ADAM9: variants seen among roughly 807,000 people sequenced by gnomAD.
The protein encoded by ADAM9 is disintegrin and metalloproteinase domain-containing protein 9.
ADAM9 carries 54 observed loss-of-function variants against 108.1 expected under a neutral mutation model. That is an observed-to-expected ratio of 0.50 (90% CI 0.40 to 0.63). The LOEUF (loss-of-function observed/expected upper bound fraction) is 0.63. Among genes scored for constraint, ADAM9 ranks in the 20% least tolerant of loss-of-function variants. The pLI is 0.00. For synonymous variants in ADAM9, 316 were observed against 336.0 expected (o/e 0.94, Z 0.65); for missense variants, 830 against 997.7 (o/e 0.83, Z 2.26).
chr8:39,025,252 G>A (rs186978975), intron 9 of ADAM9, among the ~76,000 whole-genome samples: 2 of 152,206 alleles, frequency 1.3e-5, no homozygotes, highest in African/African-American at 2.4e-5. Context: ...CACCATGGCT[G>A]GCTAATTTTC....
chr8:39,014,444 G>A, intron 4 of ADAM9: 5 of 636,660 alleles, frequency 7.9e-6, no homozygotes, highest in Non-Finnish European at 1.4e-5. Flanking sequence ...TTGATGTTAT[G>A]TGTTCTAATG....
rs1292435315 is a variant in ADAM9, at chr8:39,033,377, CTT to C, written c.1130+6569_1130+6570del. 3.3e-5 allele frequency among the ~76,000 whole-genome samples: 5 copies of C among 152,010 alleles called. No homozygotes were observed. The East Asian group carries it at 9.7e-4, about 29-fold the overall frequency. On this transcript the variant is annotated intron_variant, in intron 11 of 21. Coordinates refer to ENST00000487273, the MANE Select transcript of ADAM9 (RefSeq NM_003816.3). The stretch of plus-strand genomic sequence containing the variant: ...TTATCTCTGTACAAAGACAGTTTTT[CTT>C]TCTTTCCAGTCAGTATACCTTTTAC...
At chr8:39,015,824 G>T (rs901576941) in intron 4 of ADAM9, 15 of 307,568 alleles carry the variant, frequency 4.9e-5, no homozygotes, top group Middle Eastern at 1.0e-3. Context: ...TGTTAAAGAT[G>T]ATATAATGCA....
intron 12 of ADAM9, among the ~76,000 whole-genome samples, chr8:39,044,255 T>A (rs1837541667): frequency 6.6e-6 from 1 of 152,196 alleles, no homozygotes; most frequent in Admixed American, 6.5e-5. Flanking sequence ...CCATTTTAAG[T>A]TGATTTTTGT....
chr8:39,079,415 T>TTCCATGTCTTTATTAGA (rs1838949669), intron 16 of ADAM9, among the ~76,000 whole-genome samples: 1 of 152,252 alleles, frequency 6.6e-6, no homozygotes, highest in East Asian at 1.9e-4. Flanking sequence ...CTGGGCATCT[T>TTCCATGTCTTTATTAGA]TCCATGTCTT....
At position 39,083,047 on chromosome 8, in the gene ADAM9, G is replaced by T. The variant is rs1488988135; in HGVS notation, c.2042G>T (p.Ser681Ile). Residue 681 changes from serine to isoleucine, a missense_variant, in exon 18 of 22, where the codon AGT becomes ATT. Ser to Ile is a moderately radical substitution (Grantham distance 142). Coordinates refer to ENST00000487273, the MANE Select transcript of ADAM9 (RefSeq NM_003816.3). Reference protein sequence around the residue: ...PNCETKGYGGSVDSGPTYNEM... With the variant: ...PNCETKGYGGIVDSGPTYNEM... ...TGTGAGACTAAAGGATACGGAGGAA[G>T]TGTGGACAGTGGACCTACATACAAT... is the stretch of plus-strand genomic sequence containing the variant. 1 of 1,613,930 alleles carries T rather than the reference G, an allele frequency of 6.2e-7. No individual in the cohort carries two copies. The highest frequency in any genetic ancestry group is 1.7e-5 in the Admixed American group (1 of 60,026).
At position 39,023,229 on chromosome 8, in the gene ADAM9, T is replaced by C; in HGVS notation, c.818T>C (p.Ile273Thr). 1.9e-6 allele frequency: 3 copies of C among 1,613,826 alleles called. No individual in the cohort carries two copies. The highest frequency in any genetic ancestry group is 2.5e-6 in the Non-Finnish European group (3 of 1,179,866). ...EIWTNGNLIN[I>T]VGGAGDVLGN... is the part of the protein sequence containing the mutation. ...TGGACCAATGGAAACCTGATCAACA[T>C]AGTTGGGGGTGCTGGTGATGTGCTG... The change falls in exon 9 of 22, where the codon ATA (isoleucine) becomes ACA (threonine). Residue 273 changes from isoleucine to threonine, a missense_variant. Physicochemically the swap from Ile to Thr is moderately conservative, Grantham distance 89. Transcript: ENST00000487273.
chr8:39,067,729 C>G (rs556690115), intron 14 of ADAM9, among the ~76,000 whole-genome samples: 2 of 151,984 alleles, frequency 1.3e-5, no homozygotes, highest in Non-Finnish European at 2.9e-5. Context: ...AATTGAATAC[C>G]CTTTATTTCT....
chr8:39,025,379 G>A (rs1016732353), intron 9 of ADAM9, among the ~76,000 whole-genome samples: 4 of 152,176 alleles, frequency 2.6e-5, no homozygotes, highest in African/African-American at 9.7e-5. Flanking sequence ...TTACAGGCAT[G>A]AGCCACCACG....
At position 39,037,118 on chromosome 8, in the gene ADAM9, G is replaced by A. The variant is rs1278888382; in HGVS notation, c.1131-4828G>A. On this transcript the variant is annotated intron_variant, in intron 11 of 21. Transcript: ENST00000487273. ...GTCACCCAGGCTGGAGTGCAGTGGC[G>A]CAGTCTCGGCTCACTGCAAGCTCTG... 1.1e-4 allele frequency among the ~76,000 whole-genome samples: 14 copies of A among 125,794 alleles called. No individual in the cohort carries two copies. In the East Asian group the frequency reaches 2.8e-3, roughly 25 times the overall value. 82.5% of individuals were successfully genotyped at this position (125,794 alleles called of 152,430 possible).
chr8:39,085,541 G>A (rs1839156671), intron 18 of ADAM9, among the ~76,000 whole-genome samples: 1 of 151,954 alleles, frequency 6.6e-6, no homozygotes, highest in Non-Finnish European at 1.5e-5. Flanking sequence ...TTTAGCTTTT[G>A]TATGTCTGAA....
At chr8:39,011,590 A>G in intron 2 of ADAM9, 68 bp from the exon 3 acceptor site, 5 of 1,397,278 alleles carry the variant, frequency 3.6e-6, no homozygotes, top group Non-Finnish European at 5.1e-6. Flanking sequence ...TGCATCTTAT[A>G]AATGAGATGT....
intron 2 of ADAM9, among the ~76,000 whole-genome samples, chr8:39,009,964 A>AAACAACC (rs1554572507): frequency 1.9e-5 from 2 of 106,574 alleles, no homozygotes; most frequent in African/African-American, 7.0e-5. Flanking sequence ...ACAAAAACAA[A>AAACAACC]CCCCCCCCCC....
chr8:39,067,642 G>A (rs1445232142), intron 14 of ADAM9, among the ~76,000 whole-genome samples: 1 of 152,158 alleles, frequency 6.6e-6, no homozygotes, highest in Non-Finnish European at 1.5e-5. Flanking sequence ...AGGAGATTTT[G>A]GGCTGAGACG....
chr8:39,095,867 A>T (rs1839487216), intron 20 of ADAM9, among the ~76,000 whole-genome samples: 1 of 152,136 alleles, frequency 6.6e-6, no homozygotes, highest in African/African-American at 2.4e-5. Context: ...TTTACCATTA[A>T]TGCACTTTTT....
chr8:39,064,684 TTCTTTCTTTGTTTATTTCC>T (rs1838401443), intron 14 of ADAM9, among the ~76,000 whole-genome samples: 1 of 152,216 alleles, frequency 6.6e-6, no homozygotes, highest in African/African-American at 2.4e-5. Context: ...CCATATTACC[TTCTTTCTTTGTTTATTTCC>T]TCCTTTCATG....
At chr8:39,079,224 G>C (rs1335103673) in intron 16 of ADAM9, among the ~76,000 whole-genome samples, 1 of 152,188 alleles carries the variant, frequency 6.6e-6, no homozygotes, top group South Asian at 2.1e-4. Context: ...TGCCACCTCA[G>C]CTTACTACTA....
intron 12 of ADAM9, among the ~76,000 whole-genome samples, chr8:39,044,974 CTATG>C (rs1480565247): frequency 7.1e-6 from 1 of 139,926 alleles, no homozygotes; most frequent in South Asian, 2.1e-4. Context: ...GCACACATAC[CTATG>C]TATGTGTATA....
chr8:39,018,803 C>T, intron 6 of ADAM9, 50 bp from the exon 7 acceptor site: 1 of 1,513,004 alleles, frequency 6.6e-7, no homozygotes, highest in Non-Finnish European at 9.2e-7. Context: ...AGGATGTGAT[C>T]ATAGCCTTAT....
Sources: gnomAD v4.1 joint callset for allele counts (sites outside exome capture counted in the v4.1 genomes callset) on GRCh38, gnomAD v4.1.1 for gene constraint, MANE v1.5 for transcripts, NCBI Gene and HGNC (gene_info 2026-07-23, HGNC 2026-07-21) for gene names.